SPRED2: variants seen among roughly 807,000 people sequenced by gnomAD.
The protein encoded by SPRED2 is sprouty related EVH1 domain containing 2.
In SPRED2, 47 loss-of-function variants were observed where a neutral mutation model predicts 43.0. That is an observed-to-expected ratio of 1.09 (90% CI 0.87 to 1.40). The LOEUF is 1.40. Among genes scored for constraint, SPRED2 ranks in the 40% most tolerant of loss-of-function variants. The pLI is 0.00. For missense variants in SPRED2, 561 were observed against 586.4 expected (o/e 0.96, Z 0.45); for synonymous variants, 225 against 225.7 (o/e 1.00, Z 0.03).
In SPRED2 at chr2:65,313,269, T is replaced by C. The variant is rs1673120756; in HGVS notation, c.*232A>G. ...GGCGAAGGTTCCTTCCTCAGAACAC[T>C]GTGCGAGCGTGTGTGTATGGATGTG... On this transcript the variant is annotated 3_prime_UTR_variant, in exon 6 of 6. Coordinates refer to ENST00000356388, the MANE Select transcript of SPRED2 (RefSeq NM_181784.3). 2.2e-6 allele frequency: 3 copies of C among 1,353,088 alleles called. No individual in the cohort carries two copies. The highest frequency in any genetic ancestry group is 2.8e-6 in the Non-Finnish European group (3 of 1,057,346). The allele number at this position is 1,353,088 out of a possible 1,614,324, so 83.8% of individuals were successfully genotyped here.
intron 1 of SPRED2, among the ~76,000 whole-genome samples, chr2:65,363,968 T>G (rs1674897035): frequency 6.6e-6 from 1 of 152,202 alleles, no homozygotes; most frequent in African/African-American, 2.4e-5. Context: ...ATGCTCTCCC[T>G]GACTCTCACT....
chr2:65,315,593 ATTCT>A (rs1019711417), intron 5 of SPRED2, among the ~76,000 whole-genome samples: 2 of 152,220 alleles, frequency 1.3e-5, no homozygotes, highest in African/African-American at 4.8e-5. Context: ...GGCTTTACTA[ATTCT>A]TTATTTTGGA....
At chr2:65,410,025 C>T (rs1056662671) in intron 1 of SPRED2, among the ~76,000 whole-genome samples, 8 of 145,946 alleles carry the variant, frequency 5.5e-5, no homozygotes, top group Admixed American at 6.9e-5. Flanking sequence ...TGAGACTCTG[C>T]CTCGGAAAAA....
chr2:65,321,986 G>A (rs1312837666), intron 4 of SPRED2, among the ~76,000 whole-genome samples: 1 of 151,856 alleles, frequency 6.6e-6, no homozygotes, highest in East Asian at 1.9e-4. Context: ...GGTTGCCCAG[G>A]CTGGTCTCCA....
At chr2:65,362,710 T>A (rs1674852666) in intron 1 of SPRED2, among the ~76,000 whole-genome samples, 1 of 151,936 alleles carries the variant, frequency 6.6e-6, no homozygotes, top group Non-Finnish European at 1.5e-5. Context: ...AATACAAAAT[T>A]AGCCAGGCGT....
At chr2:65,361,542 T>C (rs1674814353) in intron 1 of SPRED2, among the ~76,000 whole-genome samples, 1 of 152,230 alleles carries the variant, frequency 6.6e-6, no homozygotes, top group African/African-American at 2.4e-5. Flanking sequence ...AAAATATTTT[T>C]CATGATTAGT....
intron 1 of SPRED2, among the ~76,000 whole-genome samples, chr2:65,377,064 A>G (rs1675257788): frequency 6.6e-6 from 1 of 152,212 alleles, no homozygotes; most frequent in African/African-American, 2.4e-5. Context: ...TTATATCTGC[A>G]CAATATTCCA....
chr2:65,409,910 G>A (rs1290723975), intron 1 of SPRED2, among the ~76,000 whole-genome samples: 5 of 151,648 alleles, frequency 3.3e-5, no homozygotes, highest in Non-Finnish European at 5.9e-5. Flanking sequence ...CGTGCCTGTA[G>A]TCCCAGCTAC....
At chr2:65,340,168 T>G (rs1342448231) in intron 2 of SPRED2, among the ~76,000 whole-genome samples, 1 of 152,228 alleles carries the variant, frequency 6.6e-6, no homozygotes, top group Non-Finnish European at 1.5e-5. Context: ...CATTTTAATT[T>G]CTAATATGGC....
chr2:65,349,276 G>C (rs1255549201), intron 1 of SPRED2, among the ~76,000 whole-genome samples: 2 of 116,016 alleles, frequency 1.7e-5, no homozygotes, highest in Non-Finnish European at 3.2e-5. Context: ...AGTGAGCAGA[G>C]ATCAGCCTGG....
chr2:65,424,912 A>AAAAC (rs149016857), intron 1 of SPRED2, among the ~76,000 whole-genome samples: 9,591 of 152,066 alleles, frequency 0.063, 973 homozygotes, highest in African/African-American at 0.21. Context: ...GTCTGTTTCA[A>AAAAC]AAACAAACAA....
chr2:65,335,563 A>G (rs1203110869), intron 2 of SPRED2, among the ~76,000 whole-genome samples: 3 of 152,180 alleles, frequency 2.0e-5, no homozygotes, highest in Non-Finnish European at 4.4e-5. Context: ...CCTAATTCAC[A>G]TTCATTGTCC....
At chr2:65,396,620 G>A (rs1675763950) in intron 1 of SPRED2, among the ~76,000 whole-genome samples, 1 of 152,210 alleles carries the variant, frequency 6.6e-6, no homozygotes, top group Non-Finnish European at 1.5e-5. Context: ...TGAGCAACAG[G>A]ACAGAGATGG....
chr2:65,368,152 G>C (rs1179690964), intron 1 of SPRED2, among the ~76,000 whole-genome samples: 2 of 152,182 alleles, frequency 1.3e-5, no homozygotes, highest in Non-Finnish European at 2.9e-5. Context: ...CTTAAAAATG[G>C]AAGCATGTTT....
intron 1 of SPRED2, among the ~76,000 whole-genome samples, chr2:65,375,896 A>G (rs68143128): frequency 0.051 from 7,834 of 152,284 alleles, 297 homozygotes; most frequent in Middle Eastern, 0.15. Flanking sequence ...TGGAGTGTGA[A>G]GAGCAAGTCT....
intron 1 of SPRED2, among the ~76,000 whole-genome samples, chr2:65,404,063 G>C (rs1675965300): frequency 6.6e-6 from 1 of 152,022 alleles, no homozygotes; most frequent in Non-Finnish European, 1.5e-5. Context: ...AAACTAGCTG[G>C]GCATGGTGGC....
chr2:65,312,177 G>A lies in SPRED2; in HGVS notation c.*1324C>T, dbSNP rs1027952787. ...TAATTAGAAGCCTCCTCCGTGGCAA[G>A]GCGACAGGCAGAACCAGTTGGCTGA... On this transcript the variant is annotated 3_prime_UTR_variant, in exon 6 of 6. Transcript: ENST00000356388. The A allele has an allele frequency of 2.1e-5, 21 of 985,624 alleles. No individual in the cohort carries two copies. In the South Asian group the frequency reaches 8.9e-4, roughly 42 times the overall value. 61.1% of individuals were successfully genotyped at this position (985,624 alleles called of 1,614,324 possible).
rs1176993565 is a variant in SPRED2 at position 65,332,018 on chromosome 2, T to G, written c.407A>C (p.Glu136Ala). The change falls in exon 4 of 6, where the codon GAA becomes GCA. Residue 136 changes from glutamate (E) to alanine (A), a missense_variant. Transcript: ENST00000356388. Reference sequence around the variant, plus strand: ...AACGTCATCATCGCCAAGCTCAGCTTCATTATGGATGGTGGAAGATGACGT... The same window carrying G: ...AACGTCATCATCGCCAAGCTCAGCTGCATTATGGATGGTGGAAGATGACGT... ...STTSSSTIHN[E>A]AELGDDDVFT... The G allele has an allele frequency of 5.6e-6, 9 of 1,609,954 alleles. No homozygotes were observed. Among genetic ancestry groups the G allele is most frequent in the Non-Finnish European group, 7.6e-6 (9 of 1,177,618 alleles).
intron 1 of SPRED2, among the ~76,000 whole-genome samples, chr2:65,411,371 C>CA (rs1335608916): frequency 6.6e-6 from 1 of 152,120 alleles, no homozygotes; most frequent in African/African-American, 2.4e-5. Context: ...GAATTGGTTG[C>CA]AAAAGTGCTA....
Sources: allele counts gnomAD v4.1 joint callset (sites outside exome capture counted in the v4.1 genomes callset), GRCh38; gene constraint gnomAD v4.1.1; transcripts MANE v1.5; gene names NCBI Gene and HGNC (gene_info 2026-07-23, HGNC 2026-07-21).